Variants in DIP2C observed in about 807,000 individuals in gnomAD.
DIP2C encodes the protein DIP2 acetate--CoA ligase C (putative).
Under a neutral mutation model 192.4 loss-of-function variants are expected in DIP2C, and 33 were observed. The ratio of observed to expected loss-of-function variants is 0.17; its 90% CI spans 0.13 to 0.23. The LOEUF (loss-of-function observed/expected upper bound fraction) is 0.23, where lower values mean the gene tolerates loss of function less well. DIP2C is among the 10% of genes least tolerant of loss of function. The pLI, the probability that DIP2C is intolerant of heterozygous loss-of-function variation, is 1.00. For synonymous variants in DIP2C, 979 were observed against 864.1 expected, an observed-to-expected ratio of 1.13 and a Z score of -2.33; for missense variants, 1,537 against 2,110.1, an observed-to-expected ratio of 0.73 and a Z score of 5.32.
intron 1 of DIP2C, among the ~76,000 whole-genome samples, chr10:646,403 C>T (rs1346512708): frequency 6.6e-6 from 1 of 152,138 alleles, no homozygotes; most frequent in African/African-American, 2.4e-5. Context: ...ACTGACCACC[C>T]GCCTCGACTC....
chr10:464,018 G>T (rs143308155), intron 3 of DIP2C, among the ~76,000 whole-genome samples: 2 of 152,122 alleles, frequency 1.3e-5, no homozygotes, highest in South Asian at 4.1e-4. Context: ...AAACTTAAAC[G>T]TAAGACGTAA....
At chr10:582,080 G>A (rs1850703230) in intron 1 of DIP2C, among the ~76,000 whole-genome samples, 1 of 152,064 alleles carries the variant, frequency 6.6e-6, no homozygotes, top group African/African-American at 2.4e-5. Flanking sequence ...GTGTCTATGA[G>A]AATCTAATGC....
chr10:287,741 AAAC>A (rs1488466102), intron 33 of DIP2C, among the ~76,000 whole-genome samples: 3 of 152,128 alleles, frequency 2.0e-5, no homozygotes, highest in African/African-American at 7.2e-5. Context: ...TCTAGTAAAA[AAAC>A]AAAAAAACAA....
Position 689,541 on chromosome 10 carries a change from AG to A in DIP2C, c.37del (p.Leu13TrpfsTer31). 7.7e-7 allele frequency: 1 copy of A among 1,297,594 alleles called. No homozygotes were observed. The highest frequency in any genetic ancestry group is 1.6e-5 in the African/African-American group (1 of 63,392). The allele number at this position is 1,297,594 out of a possible 1,614,324, so 80.4% of individuals were successfully genotyped here. On this transcript the variant is annotated frameshift_variant, in exon 1 of 37. Transcript: ENST00000280886. LOFTEE classifies it high-confidence loss of function. The surrounding 1 kb of genome is among the most constrained non-coding windows in gnomAD (Gnocchi z 6.1). ...CTCGGCCAGGCGCGCCCGCACCTCC[AG>A]GGGCAGCGCCATGCCCTCCAGGCTG... The part of the protein sequence containing the change: ...DRSLEGMALP[L>X]EVRARLAELE...
At chr10:664,605 T>G (rs761508345) in intron 1 of DIP2C, 11 of 152,242 alleles carry the variant, frequency 7.2e-5, no homozygotes, top group Non-Finnish European at 1.5e-4. Flanking sequence ...TAATCAACAT[T>G]ACAATGCTAC....
At chr10:572,148 C>T (rs1021238577) in intron 1 of DIP2C, among the ~76,000 whole-genome samples, 18 of 152,292 alleles carry the variant, frequency 1.2e-4, no homozygotes, top group Admixed American at 1.1e-3. Context: ...CTCAGCCTGC[C>T]GGGAGCTGGG....
At chr10:305,141 ACAC>A (rs1298375756) in intron 32 of DIP2C, among the ~76,000 whole-genome samples, 20 of 152,292 alleles carry the variant, frequency 1.3e-4, no homozygotes, top group Admixed American at 1.2e-3. Flanking sequence ...CAGCATATAT[ACAC>A]AACACACTTG....
chr10:404,588 A>T (rs1017704437), intron 9 of DIP2C, among the ~76,000 whole-genome samples: 6 of 152,216 alleles, frequency 3.9e-5, no homozygotes, highest in African/African-American at 1.4e-4. Flanking sequence ...TTAGACAAAC[A>T]TCCTAATCAT....
At chr10:311,517 TGGACA>T in intron 31 of DIP2C, 4 of 1,232,414 alleles carry the variant, frequency 3.2e-6, no homozygotes, top group Non-Finnish European at 4.0e-6. Context: ...ACGGGTGTGA[TGGACA>T]GGAAAGTCCC....
At chr10:359,688 C>A (rs1344394950) in intron 22 of DIP2C, among the ~76,000 whole-genome samples, 1 of 152,172 alleles carries the variant, frequency 6.6e-6, no homozygotes, top group Non-Finnish European at 1.5e-5. Flanking sequence ...CACCTGGGAG[C>A]CCCTGCACGA....
intron 1 of DIP2C, among the ~76,000 whole-genome samples, chr10:492,951 AAC>A (rs1844551667): frequency 6.6e-6 from 1 of 152,258 alleles, no homozygotes; most frequent in Non-Finnish European, 1.5e-5. Context: ...ATGTAGTATT[AAC>A]AGTCCCTGAA....
intron 7 of DIP2C, 60 bp downstream of exon 7, chr10:415,709 T>C: frequency 1.9e-6 from 3 of 1,580,070 alleles, no homozygotes; most frequent in South Asian, 1.2e-5. Flanking sequence ...GAAAAAAATA[T>C]CATTGTTTAC....
intron 30 of DIP2C, 91 bp downstream of exon 30, chr10:329,340 ACT>A: frequency 1.5e-6 from 2 of 1,315,972 alleles, no homozygotes; most frequent in South Asian, 3.4e-5. Context: ...GTTTTGGAGG[ACT>A]GTTTTAACTT....
At chr10:311,901 GTCAC>G (rs1200163341) in intron 31 of DIP2C, among the ~76,000 whole-genome samples, 1 of 152,112 alleles carries the variant, frequency 6.6e-6, no homozygotes, top group African/African-American at 2.4e-5. Flanking sequence ...ACTGCACCGT[GTCAC>G]TCACGGTGCT....
chr10:523,086 G>A (rs1230532535), intron 1 of DIP2C, among the ~76,000 whole-genome samples: 3 of 151,830 alleles, frequency 2.0e-5, no homozygotes, highest in South Asian at 4.2e-4. Flanking sequence ...TCCACCTGAT[G>A]CAAAGGACCC....
chr10:597,069 C>G (rs1564247508), intron 1 of DIP2C, among the ~76,000 whole-genome samples: 1 of 152,174 alleles, frequency 6.6e-6, no homozygotes, highest in Non-Finnish European at 1.5e-5. Flanking sequence ...CCCATCCTCG[C>G]CAGTGTAGGG....
chr10:467,067 T>C (rs1344076703), intron 3 of DIP2C, among the ~76,000 whole-genome samples: 1 of 151,668 alleles, frequency 6.6e-6, no homozygotes, highest in African/African-American at 2.4e-5. Context: ...CATGCTGCTA[T>C]AAAGACACAT....
chr10:631,704 AAAAAAT>A (rs1854529155), intron 1 of DIP2C, among the ~76,000 whole-genome samples: 1 of 152,220 alleles, frequency 6.6e-6, no homozygotes, highest in African/African-American at 2.4e-5. Flanking sequence ...CAACCCCTTT[AAAAAAT>A]ACCTAAAACT....
intron 1 of DIP2C, among the ~76,000 whole-genome samples, chr10:603,436 TG>T (rs1187650988): frequency 6.6e-6 from 1 of 151,826 alleles, no homozygotes. Flanking sequence ...CCTCTGTCTC[TG>T]ATGTGCTTGA....
Sources: gnomAD v4.1 joint callset for allele counts (sites outside exome capture counted in the v4.1 genomes callset) on GRCh38, gnomAD v4.1.1 for gene constraint, Gnocchi (gnomAD v3.1) non-coding constraint, MANE v1.5 for transcripts, NCBI Gene and HGNC (gene_info 2026-07-23, HGNC 2026-07-21) for gene names.